Variants in GYS2 observed in about 807,000 individuals in gnomAD.
The protein encoded by GYS2 is glycogen synthase 2.
GYS2 carries 80 observed loss-of-function variants against 85.6 expected under a neutral mutation model. That is an observed-to-expected ratio of 0.93 (90% confidence interval 0.78 to 1.13). GYS2 has a LOEUF of 1.13. GYS2 is among the 50% of genes most tolerant of loss of function. The pLI, the probability that GYS2 is intolerant of heterozygous loss-of-function variation, is 0.00. For synonymous variants in GYS2, 328 were observed against 300.7 expected, an observed-to-expected ratio of 1.09 and a Z score of -0.94; for missense variants, 881 against 854.9, an observed-to-expected ratio of 1.03 and a Z score of -0.38.
At chr12:21,544,632 GAT>G (rs1225487681) in intron 12 of GYS2, among the ~76,000 whole-genome samples, 1 of 152,196 alleles carries the variant, frequency 6.6e-6, no homozygotes. Flanking sequence ...TATCTCAAAA[GAT>G]AGTGCATTGC....
intron 11 of GYS2, among the ~76,000 whole-genome samples, chr12:21,553,203 C>T (rs987214292): frequency 6.6e-6 from 1 of 152,216 alleles, no homozygotes; most frequent in African/African-American, 2.4e-5. Context: ...ACAGGAGCCA[C>T]TGCGCTTGGC....
At chr12:21,560,538 A>T (rs1034941548) in intron 7 of GYS2, 46 bp from the exon 8 acceptor site, 2 of 898,944 alleles carry the variant, frequency 2.2e-6, no homozygotes, top group African/African-American at 3.2e-5. Context: ...AAAGATTTTT[A>T]AAAAGTATGA....
intron 11 of GYS2, among the ~76,000 whole-genome samples, chr12:21,556,434 G>A (rs1217089030): frequency 2.0e-5 from 3 of 152,166 alleles, no homozygotes; most frequent in Non-Finnish European, 4.4e-5. Context: ...ACCTCCCAAA[G>A]GGCTGGAATT....
chr12:21,545,294 T>A (rs370946507), intron 12 of GYS2, among the ~76,000 whole-genome samples: 3 of 151,978 alleles, frequency 2.0e-5, no homozygotes, highest in African/African-American at 7.3e-5. Flanking sequence ...ACACAAAAAT[T>A]AGCCAGGCGT....
intron 12 of GYS2, 101 bp downstream of exon 12, chr12:21,546,243 T>G: frequency 1.1e-6 from 1 of 875,436 alleles, no homozygotes; most frequent in Non-Finnish European, 1.7e-6. Context: ...AATTGAAATC[T>G]TATTAGAAAT....
chr12:21,591,691 A>G (rs1480204916), intron 1 of GYS2, among the ~76,000 whole-genome samples: 1 of 152,180 alleles, frequency 6.6e-6, no homozygotes, highest in East Asian at 1.9e-4. Flanking sequence ...AGCACATTAT[A>G]GTCAAACTGT....
At chr12:21,577,155 T>G (rs557848300) in intron 2 of GYS2, among the ~76,000 whole-genome samples, 2 of 152,288 alleles carry the variant, frequency 1.3e-5, no homozygotes, top group South Asian at 4.1e-4. Context: ...CCATTATAAT[T>G]TAGTGTTTAT....
chr12:21,591,307 C>A (rs1218241858), intron 1 of GYS2, among the ~76,000 whole-genome samples: 1 of 151,868 alleles, frequency 6.6e-6, no homozygotes, highest in African/African-American at 2.4e-5. Context: ...CAAGAATGAA[C>A]CAAACAGAAA....
At chr12:21,587,021 T>C (rs1231194707) in intron 1 of GYS2, among the ~76,000 whole-genome samples, 2 of 152,124 alleles carry the variant, frequency 1.3e-5, no homozygotes, top group Non-Finnish European at 2.9e-5. Flanking sequence ...AATCATGTCT[T>C]CTCTAGAAAC....
intron 2 of GYS2, among the ~76,000 whole-genome samples, chr12:21,578,407 A>T (rs1467883330): frequency 6.6e-6 from 1 of 152,184 alleles, no homozygotes; most frequent in Admixed American, 6.5e-5. Flanking sequence ...AAATTAAACA[A>T]CACTGGATCT....
At chr12:21,576,270 C>G (rs529593404) in intron 2 of GYS2, among the ~76,000 whole-genome samples, 26 of 152,260 alleles carry the variant, frequency 1.7e-4, no homozygotes, top group Non-Finnish European at 3.1e-4. Flanking sequence ...CAAATTCTTG[C>G]TCTTCATTAA....
At chr12:21,567,202 C>A (rs1353942338) in intron 5 of GYS2, among the ~76,000 whole-genome samples, 1 of 152,006 alleles carries the variant, frequency 6.6e-6, no homozygotes, top group Non-Finnish European at 1.5e-5. Flanking sequence ...GTGAACCTAG[C>A]AATTATGGTT....
chr12:21,586,882 A>G (rs1016064729), intron 1 of GYS2, among the ~76,000 whole-genome samples: 5 of 152,222 alleles, frequency 3.3e-5, no homozygotes, highest in African/African-American at 1.2e-4. Flanking sequence ...GTATGTTCAA[A>G]GTAGCACTGT....
chr12:21,566,935 T>G (rs1386989127), intron 5 of GYS2, among the ~76,000 whole-genome samples: 1 of 152,122 alleles, frequency 6.6e-6, no homozygotes, highest in Non-Finnish European at 1.5e-5. Context: ...GAATAGAATC[T>G]TGGAGAATGT....
In GYS2 at chr12:21,604,463, A is replaced by T. The variant is rs760803971; in HGVS notation, c.121+9T>A. 6 of 1,552,460 alleles carry T rather than the reference A, an allele frequency of 3.9e-6. 1 individual carries two copies. The South Asian group carries it at 6.7e-5, about 17-fold the overall frequency. ...GGTGTACTGATCCACCTTCAGGAGCAGTACAAACCTTTATTGGTCACTTCC... is the reference window on the plus strand; with the variant it reads ...GGTGTACTGATCCACCTTCAGGAGCTGTACAAACCTTTATTGGTCACTTCC... On this transcript the variant is annotated intron_variant, in intron 1 of 15. Coordinates refer to ENST00000261195, the MANE Select transcript of GYS2 (RefSeq NM_021957.4).
At chr12:21,534,449 G>A (rs1943892129), downstream of GYS2, among the ~76,000 whole-genome samples, 1 of 152,170 alleles carries the variant, frequency 6.6e-6, no homozygotes, top group Admixed American at 6.5e-5. Context: ...CCTGGGAAGT[G>A]GAGGTTGCAG....
chr12:21,583,292 T>C (rs1282620925), intron 1 of GYS2, among the ~76,000 whole-genome samples: 1 of 152,246 alleles, frequency 6.6e-6, no homozygotes, highest in Non-Finnish European at 1.5e-5. Context: ...CTCTTTGAGA[T>C]ATTCCTTCTA....
At chr12:21,538,531 T>G (rs1219002765) in intron 15 of GYS2, among the ~76,000 whole-genome samples, 4 of 152,210 alleles carry the variant, frequency 2.6e-5, no homozygotes, top group African/African-American at 9.6e-5. Context: ...TAGAGGCTCC[T>G]GTGGGGCATG....
chr12:21,594,015 A>G (rs1464922480), intron 1 of GYS2, among the ~76,000 whole-genome samples: 2 of 152,188 alleles, frequency 1.3e-5, no homozygotes, highest in Non-Finnish European at 2.9e-5. Flanking sequence ...GATCATCTCA[A>G]TAGATACAGA....
Sources: gnomAD v4.1 joint callset for allele counts (sites outside exome capture counted in the v4.1 genomes callset) on GRCh38, gnomAD v4.1.1 for gene constraint, MANE v1.5 for transcripts, NCBI Gene and HGNC (gene_info 2026-07-23, HGNC 2026-07-21) for gene names.